The following THSD7A variants were observed in gnomAD, a reference collection of about 807,000 sequenced individuals.
THSD7A encodes the protein thrombospondin type-1 domain-containing protein 7A.
THSD7A carries 96 observed loss-of-function variants against 231.3 expected under a neutral mutation model. That is an observed-to-expected ratio of 0.41 (90% CI 0.35 to 0.49). THSD7A has a LOEUF of 0.49. Ranked by LOEUF, THSD7A falls within the 20% of genes least tolerant of loss-of-function variation. THSD7A has a pLI of 0.05. For missense variants in THSD7A, 2,290 were observed against 2,070.2 expected, an observed-to-expected ratio of 1.11 and a Z score of -2.06; for synonymous variants, 940 against 743.3, an observed-to-expected ratio of 1.26 and a Z score of -4.30.
intron 6 of THSD7A, among the ~76,000 whole-genome samples, chr7:11,530,999 A>G (rs781179794): frequency 6.6e-6 from 1 of 152,184 alleles, no homozygotes; most frequent in South Asian, 2.1e-4. Context: ...TGACAGACCA[A>G]GACTCTGTCA....
At chr7:11,477,737 G>C (rs1786252053) in intron 7 of THSD7A, among the ~76,000 whole-genome samples, 2 of 152,076 alleles carry the variant, frequency 1.3e-5, no homozygotes, top group South Asian at 4.1e-4. Flanking sequence ...TGCAGCTGTG[G>C]AATCAGCCAT....
intron 1 of THSD7A, among the ~76,000 whole-genome samples, chr7:11,673,755 C>G (rs911321967): frequency 1.6e-4 from 24 of 152,258 alleles, no homozygotes; most frequent in Admixed American, 1.6e-3. Flanking sequence ...GGCTTCTCCT[C>G]CAGGAGTCCC....
At chr7:11,644,208 G>T (rs904071748) in intron 1 of THSD7A, among the ~76,000 whole-genome samples, 2 of 151,800 alleles carry the variant, frequency 1.3e-5, no homozygotes, top group Non-Finnish European at 2.9e-5. Context: ...TCATTTCAAA[G>T]GATTTTATTG....
At chr7:11,809,301 C>G (rs144651336) in intron 1 of THSD7A, among the ~76,000 whole-genome samples, 4 of 152,246 alleles carry the variant, frequency 2.6e-5, no homozygotes, top group African/African-American at 9.6e-5. Context: ...TGACATAAGT[C>G]AGGGAGGAGG....
At chr7:11,596,022 A>G (rs1203938242) in intron 2 of THSD7A, among the ~76,000 whole-genome samples, 2 of 152,250 alleles carry the variant, frequency 1.3e-5, no homozygotes, top group African/African-American at 4.8e-5. Flanking sequence ...CTTCTAGGTC[A>G]AATGGACAAA....
At chr7:11,494,170 G>T (rs182956176) in intron 6 of THSD7A, among the ~76,000 whole-genome samples, 1 of 152,036 alleles carries the variant, frequency 6.6e-6, no homozygotes, top group East Asian at 1.9e-4. Context: ...GTTGATGTGG[G>T]CTGGTCTGCA....
rs924037189 is a variant in THSD7A at position 11,671,429 on chromosome 7, G to A, written c.191-34468C>T. ...GGCATAGCAGTTAAATGATTTTATA[G>A]GCATGTGTATTTTGAAATATGTAAG... On this transcript the variant is annotated intron_variant, in intron 1 of 27. Coordinates refer to ENST00000423059, the MANE Select transcript of THSD7A (RefSeq NM_015204.3). Among the ~76,000 whole-genome samples the A allele has an allele frequency of 3.9e-5, 6 of 152,218 alleles. No homozygotes were observed. The South Asian group carries it at 1.2e-3, about 32-fold the overall frequency.
intron 23 of THSD7A, among the ~76,000 whole-genome samples, chr7:11,390,453 C>T (rs185047493): frequency 5.4e-4 from 83 of 152,340 alleles, no homozygotes; most frequent in African/African-American, 1.9e-3. Context: ...TCAGCTCCAT[C>T]AGGTCATTTA....
chr7:11,801,508 C>A (rs1328142796), intron 1 of THSD7A, among the ~76,000 whole-genome samples: 1 of 152,126 alleles, frequency 6.6e-6, no homozygotes, highest in Non-Finnish European at 1.5e-5. Flanking sequence ...AAAATTTTAA[C>A]CCTGGTGCAT....
chr7:11,464,646 G>A lies in THSD7A; in HGVS notation c.2369-2503C>T, dbSNP rs565311100. 2.6e-5 allele frequency among the ~76,000 whole-genome samples: 4 copies of A among 151,920 alleles called. No homozygotes were observed. The South Asian group carries it at 8.3e-4, about 32-fold the overall frequency. On this transcript the variant is annotated intron_variant, in intron 9 of 27. Transcript: ENST00000423059. ...ATAAGACTATGATGACTCTCTTCAC[G>A]TCCTTAATGGATTCCAGAGTGGCAA...
chr7:11,609,510 A>G (rs1780850059), intron 2 of THSD7A, among the ~76,000 whole-genome samples: 1 of 152,278 alleles, frequency 6.6e-6, no homozygotes, highest in African/African-American at 2.4e-5. Context: ...AGAGTAGTGA[A>G]CTGGTTTATT....
chr7:11,787,888 C>T (rs936982859), intron 1 of THSD7A, among the ~76,000 whole-genome samples: 4 of 152,040 alleles, frequency 2.6e-5, no homozygotes, highest in African/African-American at 9.7e-5. Flanking sequence ...CCCTTAACTC[C>T]AATTCTCACT....
chr7:11,744,312 G>T (rs1480545686), intron 1 of THSD7A, among the ~76,000 whole-genome samples: 1 of 151,740 alleles, frequency 6.6e-6, no homozygotes, highest in Non-Finnish European at 1.5e-5. Context: ...TAAACTTCAA[G>T]AGAAAGCTTT....
At chr7:11,591,522 G>A (rs1419879070) in intron 3 of THSD7A, among the ~76,000 whole-genome samples, 1 of 152,162 alleles carries the variant, frequency 6.6e-6, no homozygotes, top group African/African-American at 2.4e-5. Context: ...GCAAATGGAT[G>A]TGCAAATATT....
At chr7:11,539,468 G>A (rs187968647) in intron 6 of THSD7A, among the ~76,000 whole-genome samples, 50 of 152,060 alleles carry the variant, frequency 3.3e-4, no homozygotes, top group African/African-American at 9.9e-4. Flanking sequence ...AATTCATTCC[G>A]TTTGTGATGT....
At chr7:11,577,482 A>G (rs927963648) in intron 4 of THSD7A, among the ~76,000 whole-genome samples, 1 of 151,638 alleles carries the variant, frequency 6.6e-6, no homozygotes, top group Non-Finnish European at 1.5e-5. Context: ...ACACCCAGCT[A>G]ATTTTTGTAT....
chr7:11,422,117 G>A (rs1298916079), intron 16 of THSD7A, among the ~76,000 whole-genome samples: 1 of 152,110 alleles, frequency 6.6e-6, no homozygotes, highest in East Asian at 1.9e-4. Context: ...TCACAGGTGT[G>A]GTAATAAGAC....
At chr7:11,396,297 C>T (rs1330381025) in intron 23 of THSD7A, among the ~76,000 whole-genome samples, 1 of 151,932 alleles carries the variant, frequency 6.6e-6, no homozygotes, top group Non-Finnish European at 1.5e-5. Flanking sequence ...AAGAGCAGAG[C>T]TGAAGGTGAT....
intron 1 of THSD7A, among the ~76,000 whole-genome samples, chr7:11,826,893 G>A (rs1021980542): frequency 6.6e-5 from 10 of 151,396 alleles, no homozygotes; most frequent in Admixed American, 2.6e-4. Flanking sequence ...TAATATAAAT[G>A]CTATGCCTCT....
Sources: gnomAD v4.1 joint callset for allele counts (sites outside exome capture counted in the v4.1 genomes callset) on GRCh38, gnomAD v4.1.1 for gene constraint, MANE v1.5 for transcripts, NCBI Gene and HGNC (gene_info 2026-07-23, HGNC 2026-07-21) for gene names.